The following RBMS3 variants were observed in gnomAD, a reference collection of about 807,000 sequenced individuals.
The protein encoded by RBMS3 is RNA-binding motif, single-stranded-interacting protein 3.
RBMS3 carries 27 observed loss-of-function variants against 66.8 expected under a neutral mutation model. The ratio of observed to expected loss-of-function variants is 0.40; its 90% CI spans 0.30 to 0.56. The LOEUF (loss-of-function observed/expected upper bound fraction) is 0.56. Ranked by LOEUF, RBMS3 falls within the 20% of genes least tolerant of loss-of-function variation. The pLI is 0.40. For missense variants in RBMS3, 513 were observed against 549.5 expected, an observed-to-expected ratio of 0.93 and a Z score of 0.66; for synonymous variants, 188 against 183.0, an observed-to-expected ratio of 1.03 and a Z score of -0.22.
At chr3:29,980,853 G>T (rs1305311131) in intron 12 of RBMS3, among the ~76,000 whole-genome samples, 1 of 152,152 alleles carries the variant, frequency 6.6e-6, no homozygotes, top group African/African-American at 2.4e-5. Flanking sequence ...ATAGTTTGAA[G>T]TCAGGTATTG....
At chr3:29,715,345 GAGAGACTT>G (rs2149312751) in intron 4 of RBMS3, among the ~76,000 whole-genome samples, 1 of 152,226 alleles carries the variant, frequency 6.6e-6, no homozygotes, top group East Asian at 1.9e-4. Context: ...AGTGAGATTA[GAGAGACTT>G]AGAAACTGGT....
chr3:29,354,795 TG>T (rs1397384211), intron 1 of RBMS3, among the ~76,000 whole-genome samples: 2 of 152,150 alleles, frequency 1.3e-5, no homozygotes, highest in Non-Finnish European at 2.9e-5. Context: ...ATTTAGGCAA[TG>T]CCAGTGTTGG....
chr3:29,508,704 G>T (rs781373645), intron 3 of RBMS3, among the ~76,000 whole-genome samples: 1 of 151,556 alleles, frequency 6.6e-6, no homozygotes, highest in Non-Finnish European at 1.5e-5. Flanking sequence ...TAATCCTTTC[G>T]GTATATACCC....
intron 2 of RBMS3, among the ~76,000 whole-genome samples, chr3:29,467,328 A>G (rs1234496172): frequency 1.3e-5 from 2 of 152,200 alleles, no homozygotes. Flanking sequence ...TACTAACCTG[A>G]AAAGTTATCT....
At chr3:29,425,525 C>A (rs577688833) in intron 1 of RBMS3, among the ~76,000 whole-genome samples, 1 of 151,890 alleles carries the variant, frequency 6.6e-6, no homozygotes, top group East Asian at 1.9e-4. Flanking sequence ...ATAATCCCAG[C>A]TACTCCGGAG....
At chr3:29,741,464 G>T (rs2054643487) in intron 5 of RBMS3, among the ~76,000 whole-genome samples, 1 of 152,298 alleles carries the variant, frequency 6.6e-6, no homozygotes, top group South Asian at 2.1e-4. Flanking sequence ...TGAACCAACT[G>T]TCATGTTTTA....
At chr3:29,963,316 C>A (rs1198275493) in intron 12 of RBMS3, among the ~76,000 whole-genome samples, 3 of 151,994 alleles carry the variant, frequency 2.0e-5, no homozygotes, top group East Asian at 3.9e-4. Flanking sequence ...TCAGCATATC[C>A]GTGGGTGGAT....
intron 4 of RBMS3, among the ~76,000 whole-genome samples, chr3:29,643,030 G>C (rs773579134): frequency 6.6e-6 from 1 of 152,016 alleles, no homozygotes; most frequent in Non-Finnish European, 1.5e-5. Flanking sequence ...CAAATATAAT[G>C]ACAATTTGAA....
chr3:29,823,305 A>G (rs910539823), intron 6 of RBMS3, among the ~76,000 whole-genome samples: 2 of 152,120 alleles, frequency 1.3e-5, no homozygotes, highest in African/African-American at 2.4e-5. Context: ...TCTCTTTGGT[A>G]CTTTATATAA....
intron 4 of RBMS3, among the ~76,000 whole-genome samples, chr3:29,652,810 A>G (rs1005249489): frequency 1.3e-5 from 2 of 152,128 alleles, no homozygotes; most frequent in African/African-American, 4.8e-5. Context: ...TCTGAATTCT[A>G]TGGAAATGTA....
At chr3:29,998,550 A>G (rs1279289058) in intron 14 of RBMS3, among the ~76,000 whole-genome samples, 1 of 152,260 alleles carries the variant, frequency 6.6e-6, no homozygotes, top group Middle Eastern at 3.2e-3. Context: ...GCAGCATGGT[A>G]CTGGTACCAA....
intron 3 of RBMS3, among the ~76,000 whole-genome samples, chr3:29,543,546 C>A (rs1576176881): frequency 6.6e-6 from 1 of 151,954 alleles, no homozygotes; most frequent in Non-Finnish European, 1.5e-5. Flanking sequence ...CCCATCACTA[C>A]TAAAAATACA....
At chr3:29,530,477 A>C (rs1044289394) in intron 3 of RBMS3, among the ~76,000 whole-genome samples, 3 of 152,188 alleles carry the variant, frequency 2.0e-5, no homozygotes, top group Non-Finnish European at 4.4e-5. Context: ...TAATTTCCAT[A>C]AAGTGAAATG....
At chr3:29,870,623 T>C (rs2059467899) in intron 7 of RBMS3, among the ~76,000 whole-genome samples, 1 of 152,140 alleles carries the variant, frequency 6.6e-6, no homozygotes, top group African/African-American at 2.4e-5. Context: ...AAGACTTTGC[T>C]TCAAAGCATG....
At position 29,918,295 on chromosome 3, in the gene RBMS3, C is replaced by A. The variant is rs1188639556; in HGVS notation, c.940-17791C>A. On this transcript the variant is annotated intron_variant, in intron 10 of 14. Transcript: ENST00000383767. ...GTATGTTATCTATGTCCTTTAATGC[C>A]AATCACATTAGCATATGAAGTAAGA... Among the ~76,000 whole-genome samples the A allele has an allele frequency of 2.6e-5, 4 of 152,106 alleles. No homozygotes were observed. In the East Asian group the frequency reaches 7.7e-4, roughly 29 times the overall value.
chr3:29,428,286 A>G (rs2041040801), intron 1 of RBMS3, among the ~76,000 whole-genome samples: 2 of 152,110 alleles, frequency 1.3e-5, no homozygotes, highest in Non-Finnish European at 2.9e-5. Context: ...GGGAGAGGGC[A>G]GTGCAACTAG....
intron 10 of RBMS3, among the ~76,000 whole-genome samples, chr3:29,912,435 T>C (rs1165107958): frequency 1.3e-5 from 2 of 152,102 alleles, no homozygotes; most frequent in Non-Finnish European, 2.9e-5. Flanking sequence ...GTAAGTTTGA[T>C]CATTAAATAT....
chr3:29,314,068 TA>T (rs150837821), intron 1 of RBMS3, among the ~76,000 whole-genome samples: 5,943 of 151,678 alleles, frequency 0.039, 143 homozygotes, highest in South Asian at 0.068. Context: ...GGTGGAGGTA[TA>T]GGGGTGGTGA....
At chr3:29,665,300 A>G (rs2050707939) in intron 4 of RBMS3, among the ~76,000 whole-genome samples, 2 of 152,244 alleles carry the variant, frequency 1.3e-5, no homozygotes, top group Non-Finnish European at 2.9e-5. Flanking sequence ...AGGAAGACAC[A>G]GCCAATTATA....
Sources: allele counts gnomAD v4.1 joint callset (sites outside exome capture counted in the v4.1 genomes callset), GRCh38; gene constraint gnomAD v4.1.1; transcripts MANE v1.5; gene names NCBI Gene and HGNC (gene_info 2026-07-23, HGNC 2026-07-21).